LIPM: variants seen among roughly 807,000 people sequenced by gnomAD.
The protein encoded by LIPM is lipase family member M, also known as lipase member M.
In LIPM, 42 loss-of-function variants were observed where a neutral mutation model predicts 42.4. The ratio of observed to expected loss-of-function variants is 0.99; its 90% CI spans 0.77 to 1.28. The LOEUF is 1.28. Ranked by LOEUF, LIPM falls within the 50% of genes most tolerant of loss-of-function variation. The pLI, the probability that LIPM is intolerant of heterozygous loss-of-function variation, is 0.00. For synonymous variants in LIPM, 177 were observed against 173.3 expected (o/e 1.02, Z -0.17); for missense variants, 524 against 520.1 (o/e 1.01, Z -0.07).
In LIPM at chr10:88,816,804, G is replaced by A. The variant is rs1183729541; in HGVS notation, c.859-12G>A. The A allele has an allele frequency of 6.5e-7, 1 of 1,546,770 alleles. No individual in the cohort carries two copies. The highest frequency in any genetic ancestry group is 1.2e-5 in the South Asian group (1 of 83,942). On this transcript the variant is annotated splice_polypyrimidine_tract_variant and intron_variant, in intron 6 of 8. Transcript: ENST00000404743. ...TTTCTATGTCCCCCAGAATACTCAT[G>A]GTTTGTTACAGAGCCGAGCAAGTGT...
intron 2 of LIPM, among the ~76,000 whole-genome samples, chr10:88,812,724 CAT>C (rs554907389): frequency 6.6e-5 from 10 of 152,168 alleles, no homozygotes; most frequent in Non-Finnish European, 1.0e-4. Flanking sequence ...ATGTGGTATA[CAT>C]ATACCTTAAT....
At chr10:88,819,006 G>A (rs1843752987) in intron 8 of LIPM, among the ~76,000 whole-genome samples, 1 of 152,160 alleles carries the variant, frequency 6.6e-6, no homozygotes, top group African/African-American at 2.4e-5. Context: ...TCTTGCCTCA[G>A]CCTCCCGAGT....
At chr10:88,808,463 C>T (rs1843615396) in intron 2 of LIPM, 48 bp downstream of exon 2, 2 of 1,070,002 alleles carry the variant, frequency 1.9e-6, no homozygotes. Flanking sequence ...TCTCTGCAGT[C>T]ACGATTTCCT....
chr10:88,818,336 T>C (rs1240000643), intron 8 of LIPM, among the ~76,000 whole-genome samples: 1 of 152,216 alleles, frequency 6.6e-6, no homozygotes, highest in Non-Finnish European at 1.5e-5. Flanking sequence ...ACTTCTGTAA[T>C]AGGAGGGAGG....
intron 2 of LIPM, 114 bp from the exon 3 acceptor site, chr10:88,812,983 C>A (rs999449402): frequency 3.6e-6 from 3 of 845,034 alleles, no homozygotes; most frequent in Non-Finnish European, 5.6e-6. Context: ...AGCTAGCAAG[C>A]AGCTGAATCA....
chr10:88,817,730 C>A, intron 7 of LIPM, 95 bp from the exon 8 acceptor site: 1 of 790,896 alleles, frequency 1.3e-6, no homozygotes, highest in Non-Finnish European at 2.2e-6. Context: ...CTCTCCTTCC[C>A]TCATGAGTGC....
At position 88,815,265 on chromosome 10, in the gene LIPM, A is replaced by G. The variant is rs952341751; in HGVS notation, c.711+41A>G. The G allele has an allele frequency of 6.5e-6, 10 of 1,547,486 alleles. No homozygotes were observed. In the African/African-American group the frequency reaches 1.4e-4, roughly 21 times the overall value. Reference sequence around the variant, plus strand: ...GAAAACTTCCTGTGTACGTAGAAAAATCTTCCAGCCCAATTTCCTAAAACA... The same window carrying G: ...GAAAACTTCCTGTGTACGTAGAAAAGTCTTCCAGCCCAATTTCCTAAAACA... On this transcript the variant is annotated intron_variant, in intron 5 of 8. Transcript: ENST00000404743.
chr10:88,820,197 G>T (rs117206902), intron 8 of LIPM, 35 bp from the exon 9 acceptor site: 6 of 1,499,932 alleles, frequency 4.0e-6, no homozygotes, highest in Admixed American at 2.2e-5. Context: ...AAGTCCAAAT[G>T]TTACCTAGAG....
Position 88,814,473 on chromosome 10 carries a change from G to C in LIPM, c.465-57G>C. ...GTTTGTAAACCTGGTGTCGGGGGGA[G>C]CTTTTGTTTGTTTCTGATTATAATT... On this transcript the variant is annotated intron_variant, in intron 3 of 8. Transcript: ENST00000404743. The C allele has an allele frequency of 2.4e-6, 3 of 1,234,238 alleles. No homozygotes were observed. The South Asian group carries it at 3.9e-5, about 16-fold the overall frequency. 76.5% of individuals were successfully genotyped at this position (1,234,238 alleles called of 1,614,324 possible). A position where few individuals can be genotyped will look rare whatever the true frequency, so the allele number is the denominator to read the frequency against.
chr10:88,813,889 T>G (rs1384535806), intron 3 of LIPM, among the ~76,000 whole-genome samples: 2 of 151,924 alleles, frequency 1.3e-5, no homozygotes, highest in African/African-American at 4.8e-5. Context: ...AACAATCAGA[T>G]CTTATGAGAA....
chr10:88,819,054 AT>A lies in LIPM; in HGVS notation c.1002+1168del, dbSNP rs5786840. ...AGGTGCACGCCACCATGCTCAGCTAATTTTTTTTTTGTACTTTTAGGGATGG... is the reference window on the plus strand; with the variant it reads ...AGGTGCACGCCACCATGCTCAGCTAATTTTTTTTTGTACTTTTAGGGATGG... On this transcript the variant is annotated intron_variant, in intron 8 of 8. Transcript: ENST00000404743. 4.7e-5 allele frequency among the ~76,000 whole-genome samples: 7 copies of A among 149,272 alleles called. No homozygotes were observed. In the South Asian group the frequency reaches 6.4e-4, roughly 14 times the overall value.
rs1843725510 is a variant in LIPM at position 88,816,990 on chromosome 10, AT to A, written c.930+105del. ...ATAAGCCAGGGATTATTTCACACTT[AT>A]TCTAAGATGAAATGCAGTATCGTCG... On this transcript the variant is annotated intron_variant, in intron 7 of 8. Transcript: ENST00000404743. 5.8e-6 allele frequency: 5 copies of A among 863,958 alleles called. No homozygotes were observed. The Admixed American group carries it at 8.1e-5, about 14-fold the overall frequency. 53.5% of individuals were successfully genotyped at this position (863,958 alleles called of 1,614,324 possible). A position where few individuals can be genotyped will look rare whatever the true frequency, so the allele number is the denominator to read the frequency against.
chr10:88,805,099 T>C (rs1034793867), intron 1 of LIPM, among the ~76,000 whole-genome samples: 1 of 152,196 alleles, frequency 6.6e-6, no homozygotes, highest in African/African-American at 2.4e-5. Context: ...TTTAAGCAAG[T>C]GTTTACTGAG....
At position 88,820,330 on chromosome 10, in the gene LIPM, G is replaced by A. The variant is rs1473557485; in HGVS notation, c.1101G>A (p.Met367Ile). Residue 367 changes from methionine (M) to isoleucine (I), a missense_variant, in exon 9 of 9, where the codon ATG (methionine) becomes ATA (isoleucine). Transcript: ENST00000404743. ...DWLSNPEDVKMLLSEVTNLIY... is the reference protein window; with the variant it reads ...DWLSNPEDVKILLSEVTNLIY... ...TTTCAAATCCAGAAGACGTGAAAAT[G>A]CTGCTCTCTGAGGTGACCAACCTCA... is the stretch of plus-strand genomic sequence containing the variant. 6.4e-7 allele frequency: 1 copy of A among 1,552,260 alleles called. No individual in the cohort carries two copies. Among genetic ancestry groups the A allele is most frequent in the East Asian group, 2.4e-5 (1 of 40,926 alleles).
intron 1 of LIPM, among the ~76,000 whole-genome samples, chr10:88,806,980 T>C (rs2133051622): frequency 6.6e-6 from 1 of 151,834 alleles, no homozygotes; most frequent in Non-Finnish European, 1.5e-5. Flanking sequence ...TGAGCCACTG[T>C]GCCCGGCCTA....
At chr10:88,805,601 T>C (rs904209177) in intron 1 of LIPM, among the ~76,000 whole-genome samples, 1 of 152,248 alleles carries the variant, frequency 6.6e-6, no homozygotes, top group African/African-American at 2.4e-5. Context: ...GGTTTTGTTT[T>C]CTTAAGAAGA....
At chr10:88,805,839 T>G in intron 1 of LIPM, 1 of 382,832 alleles carries the variant, frequency 2.6e-6, no homozygotes. Context: ...CATCATCGCC[T>G]GTGGAAAGGA....
Position 88,810,195 on chromosome 10 carries a change from G to A in LIPM, c.265+1780G>A, listed in dbSNP as rs539247631. Among the ~76,000 whole-genome samples, 7 of 152,236 alleles carry A rather than the reference G, an allele frequency of 4.6e-5. 2 individuals are homozygous for A. The highest frequency in any genetic ancestry group is 1.2e-4 in the African/African-American group (5 of 41,528). ...CATTCTGGTGCTAATAAATATTTGC[G>A]GGATGAATTATAGATTTTGTATAAA... On this transcript the variant is annotated intron_variant, in intron 2 of 8. Transcript: ENST00000404743.
intron 6 of LIPM, among the ~76,000 whole-genome samples, 188 bp downstream of exon 6, chr10:88,815,691 A>G (rs1464467840): frequency 6.6e-6 from 1 of 152,242 alleles, no homozygotes; most frequent in South Asian, 2.1e-4. Context: ...AGGTTAACAT[A>G]AGGGCATTGC....
Sources: gnomAD v4.1 joint callset for allele counts (sites outside exome capture counted in the v4.1 genomes callset) on GRCh38, gnomAD v4.1.1 for gene constraint, MANE v1.5 for transcripts, NCBI Gene and HGNC (gene_info 2026-07-23, HGNC 2026-07-21) for gene names.